RNF128: variants seen among roughly 807,000 people sequenced by gnomAD.
RNF128 encodes the protein E3 ubiquitin-protein ligase RNF128.
In RNF128, 13 loss-of-function variants were observed where a neutral mutation model predicts 26.2. The ratio of observed to expected loss-of-function variants is 0.50; its 90% CI spans 0.32 to 0.79. The LOEUF (loss-of-function observed/expected upper bound fraction) is 0.79, where lower values mean the gene tolerates loss of function less well. RNF128 is among the 30% of genes least tolerant of loss of function. The probability of loss-of-function intolerance (pLI) is 0.03; values close to 1 mark genes in which losing one functional copy is unlikely to be tolerated. For synonymous variants in RNF128, 149 were observed against 142.5 expected (o/e 1.05, Z -0.32); for missense variants, 315 against 349.7 (o/e 0.90, Z 0.79).
intron 1 of RNF128, among the ~76,000 whole-genome samples, chrX:106,730,613 G>A (rs1262161379): frequency 8.9e-6 from 1 of 111,873 alleles, no homozygotes; most frequent in Non-Finnish European, 1.9e-5. Flanking sequence ...GCTTTGCCTG[G>A]TGTCTAATTG....
intron 2 of RNF128, among the ~76,000 whole-genome samples, chrX:106,775,439 G>C (rs1222071870): frequency 9.0e-6 from 1 of 111,691 alleles, no homozygotes. Flanking sequence ...TTTAGCTCTG[G>C]TCTACGCATT....
intron 1 of RNF128, among the ~76,000 whole-genome samples, chrX:106,728,798 C>T (rs1358983065): frequency 2.7e-5 from 3 of 111,691 alleles, no homozygotes; most frequent in African/African-American, 9.8e-5. Flanking sequence ...AAGTTAGAAG[C>T]GTGTACTGAA....
rs1464900462 is a variant in RNF128 at position 106,790,976 on chromosome X, A to G, written c.985-90A>G. The stretch of plus-strand genomic sequence containing the variant: ...TAAAAGGTTAAGAAATATTGCTCCA[A>G]TGAGTCACCTATAAAGAAACTTTGA... On this transcript the variant is annotated intron_variant, in intron 5 of 6. Coordinates refer to ENST00000255499, the MANE Select transcript of RNF128 (RefSeq NM_194463.2). 8.7e-6 allele frequency: 7 copies of G among 800,042 alleles called. No individual in the cohort carries two copies. In the East Asian group the frequency reaches 9.6e-5, roughly 11 times the overall value. The allele number at this position is 800,042 out of a possible 1,213,427, so 65.9% of individuals were successfully genotyped here. A position where few individuals can be genotyped will look rare whatever the true frequency, so the allele number is the denominator to read the frequency against.
intron 1 of RNF128, among the ~76,000 whole-genome samples, chrX:106,736,973 G>T (rs1041085785): frequency 6.3e-5 from 7 of 111,366 alleles, no homozygotes; most frequent in Non-Finnish European, 9.4e-5. Context: ...GCCCCATCGA[G>T]TATGGATTAT....
chrX:106,719,444 C>A (rs1365424947), intron 1 of RNF128, among the ~76,000 whole-genome samples: 1 of 111,789 alleles, frequency 8.9e-6, no homozygotes, highest in Non-Finnish European at 1.9e-5. Flanking sequence ...TGGTCTCAAA[C>A]TCCTGATCTC....
intron 1 of RNF128, among the ~76,000 whole-genome samples, chrX:106,708,123 AG>A (rs1929072682): frequency 8.9e-6 from 1 of 112,252 alleles, no homozygotes; most frequent in South Asian, 3.7e-4. Flanking sequence ...TGATAACACC[AG>A]AAAGATTGGG....
intron 1 of RNF128, among the ~76,000 whole-genome samples, chrX:106,715,235 A>G (rs1381158145): frequency 8.9e-6 from 1 of 111,844 alleles, no homozygotes; most frequent in Non-Finnish European, 1.9e-5. Context: ...TTTTAATTTT[A>G]GCCATTCTGG....
At chrX:106,728,150 C>T (rs1929440443) in intron 1 of RNF128, among the ~76,000 whole-genome samples, 1 of 111,680 alleles carries the variant, frequency 9.0e-6, no homozygotes, top group African/African-American at 3.3e-5. Context: ...TATTTTTCCC[C>T]GTCGGTTATC....
chrX:106,753,136 A>C (rs1376209852), intron 1 of RNF128, among the ~76,000 whole-genome samples: 1 of 111,787 alleles, frequency 8.9e-6, no homozygotes, highest in Non-Finnish European at 1.9e-5. Context: ...CGAGATAGAA[A>C]GCATATTCAA....
intron 1 of RNF128, among the ~76,000 whole-genome samples, chrX:106,748,179 A>T (rs1246263247): frequency 8.9e-6 from 1 of 112,303 alleles, no homozygotes; most frequent in African/African-American, 3.2e-5. Context: ...TTGGACAGAA[A>T]AGTGGAAAAC....
At position 106,712,975 on chromosome X, in the gene RNF128, G is replaced by T. The variant is rs772063886; in HGVS notation, c.406+18567G>T. On this transcript the variant is annotated intron_variant, in intron 1 of 6. Transcript: ENST00000324342. ...GGCTCACTGCAACCTCTGCCTCCTG[G>T]GTTCAAACGATTCTCCCGCCTCAGC... Among the ~76,000 whole-genome samples, 3 of 106,333 alleles carry T rather than the reference G, an allele frequency of 2.8e-5. No individual in the cohort carries two copies. In the South Asian group the frequency reaches 1.3e-3, roughly 47 times the overall value. The allele number at this position is 106,333 out of a possible 115,157, so 92.3% of individuals were successfully genotyped here.
chrX:106,766,341 G>A (rs1001916315), intron 1 of RNF128, among the ~76,000 whole-genome samples: 8 of 111,633 alleles, frequency 7.2e-5, no homozygotes, highest in South Asian at 7.5e-4. Flanking sequence ...AACAGTTAAA[G>A]GAGTTCCTAT....
chrX:106,783,587 A>G (rs1930601079), intron 2 of RNF128, among the ~76,000 whole-genome samples: 1 of 111,544 alleles, frequency 9.0e-6, no homozygotes, highest in South Asian at 3.7e-4. Flanking sequence ...TTCATTTTAC[A>G]GTTCAAAATA....
intron 5 of RNF128, 49 bp downstream of exon 5, chrX:106,790,331 G>A (rs1930800226): frequency 3.4e-6 from 3 of 888,190 alleles, no homozygotes; most frequent in Admixed American, 4.6e-5. Context: ...CTGGGCTTTG[G>A]AGAAAATAAC....
At position 106,790,241 on chromosome X, in the gene RNF128, C is replaced by T. The variant is rs1308442368; in HGVS notation, c.943C>T (p.Pro315Ser). Residue 315 changes from proline to serine, a missense_variant, in exon 5 of 7, where the codon CCC becomes TCC. Coordinates refer to ENST00000255499, the MANE Select transcript of RNF128 (RefSeq NM_194463.2). ...DPWLLEHRTC[P>S]MCKCDILKAL... ...ATGGCTGTTAGAACACAGGACTTGC[C>T]CCATGTGCAAATGTGACATACTCAA... 2 of 1,200,379 alleles carry T rather than the reference C, an allele frequency of 1.7e-6. No individual in the cohort carries two copies.
At position 106,795,741 on chromosome X, in the gene RNF128, A is replaced by G. The variant is rs753005437; in HGVS notation, c.*28A>G. ...TCTGTGTAAATAGAAAACTTGAACC[A>G]TTAGTAATAACAGAACTGCCAATCA... On this transcript the variant is annotated 3_prime_UTR_variant, in exon 7 of 7. Transcript: ENST00000255499. The G allele has an allele frequency of 1.8e-6, 2 of 1,142,629 alleles. No homozygotes were observed. The highest frequency in any genetic ancestry group is 4.3e-5 in the South Asian group (2 of 46,990). The allele number at this position is 1,142,629 out of a possible 1,213,427, so 94.2% of individuals were successfully genotyped here.
At chrX:106,760,960 A>C (rs746862616) in intron 1 of RNF128, among the ~76,000 whole-genome samples, 1 of 112,206 alleles carries the variant, frequency 8.9e-6, no homozygotes, top group Non-Finnish European at 1.9e-5. Context: ...ATAGCAAAAG[A>C]AACTATCAAC....
chrX:106,757,741 AT>A (rs1930048358), intron 1 of RNF128, among the ~76,000 whole-genome samples: 1 of 110,808 alleles, frequency 9.0e-6, no homozygotes, highest in African/African-American at 3.3e-5. Flanking sequence ...TAATAAAAAA[AT>A]AAATTTAAAA....
At chrX:106,730,858 G>C (rs1276993848) in intron 1 of RNF128, among the ~76,000 whole-genome samples, 1 of 111,546 alleles carries the variant, frequency 9.0e-6, no homozygotes, top group Non-Finnish European at 1.9e-5. Flanking sequence ...TAATGATTTG[G>C]GGGTCTCCAA....
Sources: gnomAD v4.1 joint callset for allele counts (sites outside exome capture counted in the v4.1 genomes callset) on GRCh38, gnomAD v4.1.1 for gene constraint, MANE v1.5 for transcripts, NCBI Gene and HGNC (gene_info 2026-07-23, HGNC 2026-07-21) for gene names.